FAM110B: variants seen among roughly 807,000 people sequenced by gnomAD.
The protein encoded by FAM110B is family with sequence similarity 110 member B, also known as protein FAM110B.
FAM110B carries 6 observed loss-of-function variants against 20.4 expected under a neutral mutation model. The ratio of observed to expected loss-of-function variants is 0.29; its 90% CI spans 0.16 to 0.58. The LOEUF is 0.58. FAM110B is among the 20% of genes least tolerant of loss of function. The probability of loss-of-function intolerance (pLI) is 0.90; values close to 1 mark genes in which losing one functional copy is unlikely to be tolerated. For missense variants in FAM110B, 434 were observed against 498.2 expected (o/e 0.87, Z 1.23); for synonymous variants, 226 against 214.1 (o/e 1.06, Z -0.49).
intron 1 of FAM110B, among the ~76,000 whole-genome samples, chr8:58,018,629 T>C (rs1212848806): frequency 1.3e-5 from 2 of 152,210 alleles, no homozygotes; most frequent in Non-Finnish European, 2.9e-5. Context: ...TATTAGACAT[T>C]GATACGGTTG....
At chr8:58,074,893 T>A (rs1426612127) in intron 2 of FAM110B, among the ~76,000 whole-genome samples, 2 of 152,190 alleles carry the variant, frequency 1.3e-5, no homozygotes, top group Non-Finnish European at 2.9e-5. Flanking sequence ...AAGTAAGATA[T>A]GATGCCACAT....
chr8:58,138,112 C>G (rs1187035292), intron 3 of FAM110B, among the ~76,000 whole-genome samples: 1 of 152,230 alleles, frequency 6.6e-6, no homozygotes, highest in Non-Finnish European at 1.5e-5. Context: ...GAGCATTCAG[C>G]GGAAGTGACA....
At chr8:58,063,947 C>A (rs556910191) in intron 2 of FAM110B, among the ~76,000 whole-genome samples, 1 of 152,052 alleles carries the variant, frequency 6.6e-6, no homozygotes, top group Non-Finnish European at 1.5e-5. Flanking sequence ...CATGGTTCTG[C>A]GGGCTGTACA....
At chr8:58,033,370 A>G (rs1225380047) in intron 2 of FAM110B, among the ~76,000 whole-genome samples, 1 of 152,138 alleles carries the variant, frequency 6.6e-6, no homozygotes, top group Non-Finnish European at 1.5e-5. Context: ...ATATAAATTC[A>G]TGTGTCTTTT....
chr8:58,135,401 A>G (rs1803586321), intron 3 of FAM110B, among the ~76,000 whole-genome samples: 1 of 152,186 alleles, frequency 6.6e-6, no homozygotes, highest in African/African-American at 2.4e-5. Flanking sequence ...TTTTTAACAT[A>G]ATTTTTGTAG....
chr8:58,052,952 A>ATT lies in FAM110B; in HGVS notation c.-414+21254_-414+21255dup, dbSNP rs369704347. 1.6e-3 allele frequency among the ~76,000 whole-genome samples: 233 copies of ATT among 147,960 alleles called. 1 individual carries two copies. Among genetic ancestry groups the ATT allele is most frequent in the Non-Finnish European group, 3.0e-3 (200 of 66,900 alleles). ...AGGCGCCCGCTACCACGCCCGGCTA[A>ATT]TTTTTTGTATTTTTAGTAGAGACGG... On this transcript the variant is annotated intron_variant, in intron 2 of 3. Coordinates refer to ENST00000519262, the MANE Select transcript of FAM110B (RefSeq NM_001377989.1).
chr8:58,139,044 C>T (rs958722535), intron 3 of FAM110B, among the ~76,000 whole-genome samples: 1 of 152,010 alleles, frequency 6.6e-6, no homozygotes, highest in Non-Finnish European at 1.5e-5. Flanking sequence ...CTCATCTTGT[C>T]GAAAAAATTA....
chr8:58,044,836 CA>C (rs1430579688), intron 2 of FAM110B, among the ~76,000 whole-genome samples: 1 of 152,072 alleles, frequency 6.6e-6, no homozygotes. Context: ...TTTTATGAGA[CA>C]GGGGCAGAAT....
rs187828920 is a variant in FAM110B, at chr8:58,007,549, G to A, written c.-512+12743G>A. On this transcript the variant is annotated intron_variant, in intron 1 of 3. Transcript: ENST00000519262. ...ATTCAGATCTAATCCTCAAGGGGATGGTATTCAGAGGTAGGGCCTTGGCAA... is the reference window on the plus strand; with the variant it reads ...ATTCAGATCTAATCCTCAAGGGGATAGTATTCAGAGGTAGGGCCTTGGCAA... Among the ~76,000 whole-genome samples the A allele has an allele frequency of 2.1e-3, 327 of 152,310 alleles. 2 individuals carry two copies. The highest frequency in any genetic ancestry group is 7.6e-3 in the African/African-American group (316 of 41,560).
chr8:58,063,361 T>C (rs1234170026), intron 2 of FAM110B, among the ~76,000 whole-genome samples: 1 of 152,196 alleles, frequency 6.6e-6, no homozygotes, highest in Non-Finnish European at 1.5e-5. Flanking sequence ...AGATAAAAAC[T>C]ATTGATGCTG....
chr8:58,090,774 A>G (rs1171737304), intron 3 of FAM110B, among the ~76,000 whole-genome samples: 3 of 152,204 alleles, frequency 2.0e-5, no homozygotes, highest in Middle Eastern at 3.2e-3. Context: ...CAGTATTTAT[A>G]AAGATTGACT....
chr8:58,094,171 A>G (rs1806561719), intron 3 of FAM110B, among the ~76,000 whole-genome samples: 1 of 152,188 alleles, frequency 6.6e-6, no homozygotes, highest in African/African-American at 2.4e-5. Flanking sequence ...TGTTTTCTAA[A>G]TATACAATCA....
chr8:58,049,473 G>C (rs1197496839), intron 2 of FAM110B, among the ~76,000 whole-genome samples: 1 of 151,904 alleles, frequency 6.6e-6, no homozygotes, highest in African/African-American at 2.4e-5. Context: ...CCCTAATTAG[G>C]TCAGATGTTT....
chr8:58,031,345 G>T (rs546486485), intron 1 of FAM110B: 6 of 152,288 alleles, frequency 3.9e-5, no homozygotes, highest in Admixed American at 3.9e-4. Context: ...GGTTCCCCAG[G>T]CTCATGGAAA....
At chr8:58,033,625 A>G (rs1288858256) in intron 2 of FAM110B, among the ~76,000 whole-genome samples, 1 of 152,240 alleles carries the variant, frequency 6.6e-6, no homozygotes, top group African/African-American at 2.4e-5. Flanking sequence ...GACACTTCTC[A>G]AAAGGAGACA....
At chr8:58,033,705 CACA>C (rs753554119) in intron 2 of FAM110B, among the ~76,000 whole-genome samples, 5 of 152,072 alleles carry the variant, frequency 3.3e-5, no homozygotes, top group Non-Finnish European at 5.9e-5. Flanking sequence ...AAATTAAAAC[CACA>C]ACAAGGTACC....
intron 3 of FAM110B, among the ~76,000 whole-genome samples, chr8:58,099,823 A>G (rs1051150558): frequency 6.6e-6 from 1 of 152,250 alleles, no homozygotes; most frequent in Non-Finnish European, 1.5e-5. Context: ...TATGTGGCCT[A>G]TTGTATTCTA....
chr8:58,011,892 A>G (rs1471643585), intron 1 of FAM110B, among the ~76,000 whole-genome samples: 2 of 152,194 alleles, frequency 1.3e-5, no homozygotes, highest in Non-Finnish European at 2.9e-5. Context: ...GCAAGGAGTT[A>G]TGTTAGACCC....
intron 1 of FAM110B, among the ~76,000 whole-genome samples, chr8:57,997,870 G>C (rs1033780097): frequency 3.3e-5 from 5 of 152,216 alleles, no homozygotes; most frequent in African/African-American, 1.2e-4. Context: ...CTCTAAGAGA[G>C]AGTAGGTGCT....
Sources: allele counts gnomAD v4.1 joint callset (sites outside exome capture counted in the v4.1 genomes callset), GRCh38; gene constraint gnomAD v4.1.1; transcripts MANE v1.5; gene names NCBI Gene and HGNC (gene_info 2026-07-23, HGNC 2026-07-21).